BNIP3L: variants seen among roughly 807,000 people sequenced by gnomAD.
BNIP3L encodes the protein BCL2/adenovirus E1B 19 kDa protein-interacting protein 3-like.
A neutral mutation model predicts 25.5 loss-of-function variants in BNIP3L; 10 were observed. That is an observed-to-expected ratio of 0.39 (90% CI 0.24 to 0.67). The LOEUF (loss-of-function observed/expected upper bound fraction) is 0.67. BNIP3L is among the 30% of genes least tolerant of loss of function. BNIP3L has a pLI of 0.45. For synonymous variants in BNIP3L, 113 were observed against 101.2 expected (o/e 1.12, Z -0.70); for missense variants, 215 against 270.9 (o/e 0.79, Z 1.45).
In BNIP3L at chr8:26,383,163, C is replaced by G; in HGVS notation, c.33C>G (p.Pro11=). The change falls in exon 1 of 6, where the codon CCC becomes CCG. Residue 11 remains proline, a synonymous_variant. Transcript: ENST00000380629. ...CCCACCTAGTCGAGCCGCCGCCGCC[C>G]CTGCACAACAACAACAACAACTGCG... MSSHLVEPPP[P]LHNNNNNCEE... is the part of the protein sequence containing the mutation. 1.2e-6 allele frequency: 2 copies of G among 1,612,534 alleles called. No individual in the cohort carries two copies.
At chr8:26,407,226 C>T (rs936145806) in intron 3 of BNIP3L, among the ~76,000 whole-genome samples, 19 of 150,302 alleles carry the variant, frequency 1.3e-4, no homozygotes, top group African/African-American at 4.4e-4. Context: ...CGCTCTTTCC[C>T]CCAGGCAGGA....
At chr8:26,408,153 C>G (rs774517642) in intron 4 of BNIP3L, 50 bp downstream of exon 4, 1 of 1,611,408 alleles carries the variant, frequency 6.2e-7, no homozygotes, top group Admixed American at 1.7e-5. Flanking sequence ...TCTGCGCACG[C>G]TTACAGGCAA....
chr8:26,412,654 T>C lies in BNIP3L; in HGVS notation c.*2242T>C, dbSNP rs1234649930. 6.6e-6 allele frequency: 1 copy of C among 152,664 alleles called. No homozygotes were observed. Among genetic ancestry groups the C allele is most frequent in the Non-Finnish European group, 1.5e-5 (1 of 68,038 alleles). 9.5% of individuals were successfully genotyped at this position (152,664 alleles called of 1,614,324 possible). ...GCCCTAACACATGGGATGAACGTTT[T>C]ACTGCTACACCCAGATTTGTGTTGA... On this transcript the variant is annotated 3_prime_UTR_variant, in exon 6 of 6. Transcript: ENST00000380629.
intron 1 of BNIP3L, among the ~76,000 whole-genome samples, chr8:26,389,111 C>T (rs1033191502): frequency 7.9e-5 from 12 of 152,064 alleles, no homozygotes; most frequent in Admixed American, 4.6e-4. Flanking sequence ...CCACAGAGAC[C>T]TATCTGGAAC....
chr8:26,406,331 T>C (rs1015512213), intron 3 of BNIP3L, among the ~76,000 whole-genome samples: 1 of 152,224 alleles, frequency 6.6e-6, no homozygotes, highest in African/African-American at 2.4e-5. Context: ...AAAAATATAA[T>C]CTCCTTCCAG....
chr8:26,400,818 C>T (rs1170957916), intron 3 of BNIP3L, among the ~76,000 whole-genome samples: 1 of 114,814 alleles, frequency 8.7e-6, no homozygotes, highest in African/African-American at 3.3e-5. Context: ...TGAAAAAATG[C>T]TCATCATCAC....
chr8:26,383,127 G>T lies in BNIP3L; in HGVS notation c.-4G>T. On this transcript the variant is annotated 5_prime_UTR_variant, in exon 1 of 6. Coordinates refer to ENST00000380629, the MANE Select transcript of BNIP3L (RefSeq NM_004331.3). ...GCTGCCGCAGTCCTGCCAGCTGTCCGACAATGTCGTCCCACCTAGTCGAGC... is the reference window on the plus strand; with the variant it reads ...GCTGCCGCAGTCCTGCCAGCTGTCCTACAATGTCGTCCCACCTAGTCGAGC... The T allele has an allele frequency of 3.1e-6, 5 of 1,608,256 alleles. No individual in the cohort carries two copies. Among genetic ancestry groups the T allele is most frequent in the South Asian group, 1.1e-5 (1 of 90,544 alleles).
chr8:26,386,544 C>T (rs1805997164), intron 1 of BNIP3L, among the ~76,000 whole-genome samples: 2 of 152,146 alleles, frequency 1.3e-5, no homozygotes, highest in Admixed American at 1.3e-4. Context: ...AAGTGATCCT[C>T]CTGCCTCAGC....
At position 26,383,083 on chromosome 8, in the gene BNIP3L, T is replaced by G. The variant is rs1436346689; in HGVS notation, c.-48T>G. On this transcript the variant is annotated 5_prime_UTR_variant, in exon 1 of 6. Transcript: ENST00000380629. ...TCGGCTTGTTGTGTTGCTGCCTGAG[T>G]GCCGGAGACGGTCCTGCTGCTGCCG... is the stretch of plus-strand genomic sequence containing the variant. 6.7e-7 allele frequency: 1 copy of G among 1,501,464 alleles called. No individual in the cohort carries two copies. The highest frequency in any genetic ancestry group is 1.8e-4 in the Middle Eastern group (1 of 5,542). 93.0% of individuals were successfully genotyped at this position (1,501,464 alleles called of 1,614,324 possible). A position where few individuals can be genotyped will look rare whatever the true frequency, so the allele number is the denominator to read the frequency against.
chr8:26,402,347 C>G (rs1245455472), intron 3 of BNIP3L, among the ~76,000 whole-genome samples: 3 of 152,182 alleles, frequency 2.0e-5, no homozygotes, highest in Admixed American at 1.3e-4. Context: ...TAAGCTATAG[C>G]TGATGTAGAA....
chr8:26,402,158 A>C (rs2117487483), intron 3 of BNIP3L, among the ~76,000 whole-genome samples: 1 of 152,280 alleles, frequency 6.6e-6, no homozygotes, highest in East Asian at 1.9e-4. Flanking sequence ...ATACTTTACT[A>C]TGCTCTATTT....
intron 3 of BNIP3L, among the ~76,000 whole-genome samples, chr8:26,403,773 C>G (rs1389840503): frequency 6.6e-6 from 1 of 152,024 alleles, no homozygotes; most frequent in African/African-American, 2.4e-5. Flanking sequence ...CTCCTGGCCT[C>G]AAATGATCCT....
In BNIP3L at chr8:26,408,390, A is replaced by G; in HGVS notation, c.611+14A>G. ...TTTGGGGCTAGGGTAAGTACCGGTC[A>G]ACTCCTGAAGTTTTTTCCATTCATT... is the stretch of plus-strand genomic sequence containing the variant. On this transcript the variant is annotated intron_variant, in intron 5 of 5. Transcript: ENST00000380629. 2 of 1,600,104 alleles carry G rather than the reference A, an allele frequency of 1.2e-6. No individual in the cohort carries two copies. The highest frequency in any genetic ancestry group is 2.2e-5 in the South Asian group (2 of 89,536).
At chr8:26,405,130 G>GA (rs948871171) in intron 3 of BNIP3L, among the ~76,000 whole-genome samples, 7 of 149,146 alleles carry the variant, frequency 4.7e-5, no homozygotes, top group Non-Finnish European at 3.0e-5. Flanking sequence ...CCATCCTCAT[G>GA]AAAAAAAAAA....
rs144682826 is a variant in BNIP3L, at chr8:26,410,715, A to G, written c.*303A>G. 182 of 384,816 alleles carry G rather than the reference A, an allele frequency of 4.7e-4. No homozygotes were observed. The highest frequency in any genetic ancestry group is 3.4e-3 in the African/African-American group (166 of 48,718). The allele number at this position is 384,816 out of a possible 1,614,324, so 23.8% of individuals were successfully genotyped here. A position where few individuals can be genotyped will look rare whatever the true frequency, so the allele number is the denominator to read the frequency against. The stretch of plus-strand genomic sequence containing the variant: ...CCAGCAGATTATAATTTTGTCAGCA[A>G]TGCTATTATCTCTAATTAGTGCCAC... On this transcript the variant is annotated 3_prime_UTR_variant, in exon 6 of 6. Transcript: ENST00000380629.
intron 2 of BNIP3L, among the ~76,000 whole-genome samples, chr8:26,394,446 G>GT (rs1806185096): frequency 6.6e-6 from 1 of 151,938 alleles, no homozygotes; most frequent in African/African-American, 2.4e-5. Flanking sequence ...TTGTTTGTGG[G>GT]TTTATATATT....
At chr8:26,384,166 C>G (rs1052518983) in intron 1 of BNIP3L, among the ~76,000 whole-genome samples, 1 of 152,180 alleles carries the variant, frequency 6.6e-6, no homozygotes, top group African/African-American at 2.4e-5. Flanking sequence ...GGGTTCTTGC[C>G]TAACCTTTCT....
chr8:26,407,475 C>T (rs936997308), intron 3 of BNIP3L, among the ~76,000 whole-genome samples: 3 of 151,302 alleles, frequency 2.0e-5, no homozygotes, highest in East Asian at 3.9e-4. Flanking sequence ...CGTGAGCCAC[C>T]GCACCCAGCG....
At chr8:26,384,156 G>C (rs1585428144) in intron 1 of BNIP3L, among the ~76,000 whole-genome samples, 1 of 152,170 alleles carries the variant, frequency 6.6e-6, no homozygotes, top group African/African-American at 2.4e-5. Context: ...CTTCTTGGAA[G>C]GGTTCTTGCC....
Sources: gnomAD v4.1 joint callset for allele counts (sites outside exome capture counted in the v4.1 genomes callset) on GRCh38, gnomAD v4.1.1 for gene constraint, MANE v1.5 for transcripts, NCBI Gene and HGNC (gene_info 2026-07-23, HGNC 2026-07-21) for gene names.